Variants in TNNI3K observed in about 807,000 individuals in gnomAD.
The protein encoded by TNNI3K is TNNI3 interacting kinase, also known as serine/threonine-protein kinase TNNI3K.
TNNI3K carries 140 observed loss-of-function variants against 114.5 expected under a neutral mutation model. The observed-to-expected ratio is 1.22, with a 90% confidence interval of 1.07 to 1.41. The LOEUF (loss-of-function observed/expected upper bound fraction) is 1.41, where lower values mean the gene tolerates loss of function less well. TNNI3K is among the 40% of genes most tolerant of loss of function. The probability of loss-of-function intolerance (pLI) is 0.00; values close to 1 mark genes in which losing one functional copy is unlikely to be tolerated. For synonymous variants in TNNI3K, 347 were observed against 347.5 expected (o/e 1.00, Z 0.02); for missense variants, 1,125 against 1,007.6 (o/e 1.12, Z -1.58).
intron 23 of TNNI3K, among the ~76,000 whole-genome samples, chr1:74,530,431 G>A (rs1461040524): frequency 2.0e-5 from 3 of 152,290 alleles, no homozygotes; most frequent in East Asian, 3.9e-4. Flanking sequence ...GTTAGGTGGG[G>A]CAAATTTTGT....
chr1:74,335,160 C>T (rs1312153149), intron 6 of TNNI3K, among the ~76,000 whole-genome samples: 3 of 152,120 alleles, frequency 2.0e-5, no homozygotes, highest in Admixed American at 2.0e-4. Flanking sequence ...CTAATCTAAT[C>T]CTCATGACAA....
At chr1:74,420,634 G>A (rs1315756583) in intron 17 of TNNI3K, among the ~76,000 whole-genome samples, 1 of 152,110 alleles carries the variant, frequency 6.6e-6, no homozygotes, top group Non-Finnish European at 1.5e-5. Flanking sequence ...ATGTCATTAA[G>A]CAGCTGCATT....
rs577551901 is a variant in TNNI3K at position 74,451,601 on chromosome 1, C to T, written c.2012-11840C>T. ...AAGAATTTTCTTCCTTCCTTCCTTT[C>T]TTTTCTTTCTTTCCTTCCTTCCTTC... On this transcript the variant is annotated intron_variant, in intron 20 of 24. Transcript: ENST00000326637. Among the ~76,000 whole-genome samples the T allele has an allele frequency of 3.3e-5, 5 of 150,066 alleles. No homozygotes were observed. The East Asian group carries it at 9.8e-4, about 29-fold the overall frequency.
chr1:74,411,691 G>T lies in TNNI3K; in HGVS notation c.1773-24389G>T, dbSNP rs1391031709. Reference sequence around the variant, plus strand: ...ATTGCTGCTTTCTAAAAGATAGTAAGATAGATAAAGAATGGAAACAAATAA... The same window carrying T: ...ATTGCTGCTTTCTAAAAGATAGTAATATAGATAAAGAATGGAAACAAATAA... On this transcript the variant is annotated intron_variant, in intron 17 of 24. Coordinates refer to ENST00000326637, the MANE Select transcript of TNNI3K (RefSeq NM_015978.3). Among the ~76,000 whole-genome samples the T allele has an allele frequency of 3.3e-5, 5 of 152,060 alleles. No homozygotes were observed. The East Asian group carries it at 7.7e-4, about 23-fold the overall frequency.
intron 21 of TNNI3K, among the ~76,000 whole-genome samples, chr1:74,465,247 G>A (rs1429185208): frequency 2.6e-5 from 4 of 152,164 alleles, no homozygotes; most frequent in Non-Finnish European, 4.4e-5. Context: ...CGAGGCCGGA[G>A]CCCACTCCCT....
At position 74,437,032 on chromosome 1, in the gene TNNI3K, C is replaced by T. The variant is rs45563836; in HGVS notation, c.1878+506C>T. 9.2e-3 allele frequency among the ~76,000 whole-genome samples: 1,394 copies of T among 152,034 alleles called. 8 individuals carry two copies. Among genetic ancestry groups the T allele is most frequent in the Non-Finnish European group, 0.015 (1,030 of 67,938 alleles). On this transcript the variant is annotated intron_variant, in intron 19 of 24. Coordinates refer to ENST00000326637, the MANE Select transcript of TNNI3K (RefSeq NM_015978.3). ...AAAATGTCTGCAATTAAATTCATTA[C>T]CTGCCCTCTCCTTCACTCTCCCCAA...
intron 4 of TNNI3K, among the ~76,000 whole-genome samples, chr1:74,264,462 C>A (rs1423614185): frequency 6.6e-6 from 1 of 151,990 alleles, no homozygotes; most frequent in Non-Finnish European, 1.5e-5. Context: ...TAATATTCTT[C>A]AAAGCCTCCA....
At chr1:74,369,616 G>A (rs1208707651) in intron 16 of TNNI3K, 31 bp downstream of exon 16, 1 of 1,542,672 alleles carries the variant, frequency 6.5e-7, no homozygotes, top group African/African-American at 1.4e-5. Flanking sequence ...TTTATCCTTG[G>A]ACATTCCGTA....
At chr1:74,531,351 T>C (rs1301969833) in intron 23 of TNNI3K, among the ~76,000 whole-genome samples, 1 of 152,230 alleles carries the variant, frequency 6.6e-6, no homozygotes, top group Non-Finnish European at 1.5e-5. Flanking sequence ...ACTTAACTGA[T>C]AAATTAGCAA....
At chr1:74,239,455 T>C (rs1654052895) in intron 2 of TNNI3K, among the ~76,000 whole-genome samples, 1 of 152,116 alleles carries the variant, frequency 6.6e-6, no homozygotes, top group African/African-American at 2.4e-5. Flanking sequence ...AGAATCTCAT[T>C]ACTCACCCTT....
intron 5 of TNNI3K, among the ~76,000 whole-genome samples, chr1:74,324,128 G>C (rs571286142): frequency 1.3e-5 from 2 of 152,220 alleles, no homozygotes; most frequent in African/African-American, 2.4e-5. Context: ...TCAAGATAAA[G>C]CTACTTCTTT....
chr1:74,533,538 T>C (rs1646619678), intron 23 of TNNI3K, among the ~76,000 whole-genome samples: 1 of 152,164 alleles, frequency 6.6e-6, no homozygotes, highest in Non-Finnish European at 1.5e-5. Flanking sequence ...GAAATACCAT[T>C]TGACCCAGCC....
intron 23 of TNNI3K, among the ~76,000 whole-genome samples, chr1:74,497,671 C>T (rs1669399271): frequency 6.6e-6 from 1 of 152,046 alleles, no homozygotes; most frequent in African/African-American, 2.4e-5. Context: ...CTTGACCTCT[C>T]TGCTTCCTAG....
chr1:74,292,379 G>GT (rs1657736347), intron 5 of TNNI3K, among the ~76,000 whole-genome samples: 1 of 150,846 alleles, frequency 6.6e-6, no homozygotes, highest in South Asian at 2.1e-4. Flanking sequence ...TGTAAGTTCT[G>GT]TTTTTGGCAC....
chr1:74,283,156 A>T (rs1657115265), intron 5 of TNNI3K, among the ~76,000 whole-genome samples: 1 of 152,190 alleles, frequency 6.6e-6, no homozygotes, highest in Non-Finnish European at 1.5e-5. Flanking sequence ...ATAGTCTTAA[A>T]TATCTAAGAC....
chr1:74,447,230 G>A (rs1195812470), intron 20 of TNNI3K, among the ~76,000 whole-genome samples: 2 of 149,740 alleles, frequency 1.3e-5, no homozygotes, highest in East Asian at 3.9e-4. Context: ...GCAGTGGTTT[G>A]TAGTTCTCCT....
chr1:74,395,635 CAG>C (rs1664038852), intron 17 of TNNI3K, among the ~76,000 whole-genome samples: 1 of 152,160 alleles, frequency 6.6e-6, no homozygotes, highest in Non-Finnish European at 1.5e-5. Context: ...GAAGCGAGTG[CAG>C]AGTCCCAATC....
chr1:74,342,635 A>G (rs556768714), intron 7 of TNNI3K, among the ~76,000 whole-genome samples: 2 of 152,304 alleles, frequency 1.3e-5, no homozygotes, highest in South Asian at 4.1e-4. Context: ...GGAAGCTAGA[A>G]GGAAACCTGT....
At position 74,369,419 on chromosome 1, in the gene TNNI3K, T is replaced by A. The variant is rs1259953920; in HGVS notation, c.1501T>A (p.Ser501Thr). ...TCGAGCCAATACCTACTGCTCCAAGTCAGATGTGGATATGTTTTGCCGAGA... is the reference window on the plus strand; with the variant it reads ...TCGAGCCAATACCTACTGCTCCAAGACAGATGTGGATATGTTTTGCCGAGA... ...RYRANTYCSK[S>T]DVDMFCREVS... is the part of the protein sequence containing the mutation. Residue 501 changes from serine to threonine, a missense_variant, in exon 16 of 25, where the codon TCA becomes ACA. Transcript: ENST00000326637. The A allele has an allele frequency of 3.7e-6, 6 of 1,611,414 alleles. No homozygotes were observed. The highest frequency in any genetic ancestry group is 2.7e-5 in the African/African-American group (2 of 74,718).
Sources: allele counts gnomAD v4.1 joint callset (sites outside exome capture counted in the v4.1 genomes callset), GRCh38; gene constraint gnomAD v4.1.1; transcripts MANE v1.5; gene names NCBI Gene and HGNC (gene_info 2026-07-23, HGNC 2026-07-21).